Variants in PCLO observed in about 807,000 individuals in gnomAD.
PCLO encodes the protein piccolo presynaptic cytomatrix protein, also known as protein piccolo.
In PCLO, 82 loss-of-function variants were observed where a neutral mutation model predicts 427.5. The observed-to-expected ratio is 0.19, with a 90% CI of 0.16 to 0.23. The LOEUF is 0.23. Ranked by LOEUF, PCLO falls within the 10% of genes least tolerant of loss-of-function variation. PCLO has a pLI of 1.00. For synonymous variants in PCLO, 2,357 were observed against 2,155.4 expected (o/e 1.09, Z -2.59); for missense variants, 6,239 against 6,115.9 (o/e 1.02, Z -0.67).
chr7:83,036,806 C>T (rs1173205652), intron 3 of PCLO, among the ~76,000 whole-genome samples: 2 of 152,088 alleles, frequency 1.3e-5, no homozygotes, highest in African/African-American at 4.8e-5. Context: ...GCTCCTACCG[C>T]CACTACTATT....
At chr7:82,969,717 C>T (rs1795859276) in intron 3 of PCLO, among the ~76,000 whole-genome samples, 1 of 151,952 alleles carries the variant, frequency 6.6e-6, no homozygotes. Context: ...TTGGAAAGTG[C>T]ATATGCAAAG....
At chr7:83,061,164 T>A (rs1562944724) in intron 3 of PCLO, among the ~76,000 whole-genome samples, 1 of 152,196 alleles carries the variant, frequency 6.6e-6, no homozygotes. Flanking sequence ...CTGGGTCTCA[T>A]AAGGTTGAAA....
chr7:83,037,480 T>C (rs1042815770), intron 3 of PCLO, among the ~76,000 whole-genome samples: 1 of 151,950 alleles, frequency 6.6e-6, no homozygotes, highest in Non-Finnish European at 1.5e-5. Context: ...GAGAATCTGT[T>C]TGAAGAACAT....
At chr7:82,826,538 A>G in intron 18 of PCLO, 51 bp downstream of exon 18, 5 of 1,205,188 alleles carry the variant, frequency 4.1e-6, no homozygotes, top group Middle Eastern at 1.9e-4. Flanking sequence ...TCGTGCTTTA[A>G]TTGGTGGTTT....
chr7:83,029,367 T>C (rs372490766), intron 3 of PCLO, among the ~76,000 whole-genome samples: 1 of 150,594 alleles, frequency 6.6e-6, no homozygotes, highest in Non-Finnish European at 1.5e-5. Flanking sequence ...AAAATGCTCA[T>C]CATCACTGGC....
intron 9 of PCLO, among the ~76,000 whole-genome samples, chr7:82,886,980 ATTATT>A (rs1457813344): frequency 2.6e-5 from 4 of 152,096 alleles, no homozygotes; most frequent in African/African-American, 9.7e-5. Flanking sequence ...TTGTGCCAAT[ATTATT>A]TTATGTTTAG....
chr7:82,959,443 G>A (rs1254050629), intron 4 of PCLO, among the ~76,000 whole-genome samples: 2 of 152,096 alleles, frequency 1.3e-5, no homozygotes, highest in Non-Finnish European at 2.9e-5. Context: ...AAAGAAATGT[G>A]ACCATGGTTA....
intron 10 of PCLO, among the ~76,000 whole-genome samples, chr7:82,867,787 A>T (rs1793133353): frequency 6.6e-6 from 1 of 152,158 alleles, no homozygotes; most frequent in African/African-American, 2.4e-5. Context: ...CCTATCACAA[A>T]GATTATAATG....
chr7:82,934,223 T>C (rs1273312631), intron 6 of PCLO, among the ~76,000 whole-genome samples: 1 of 151,842 alleles, frequency 6.6e-6, no homozygotes, highest in Admixed American at 6.6e-5. Context: ...CGCTAATGAT[T>C]ATCATTTCTT....
chr7:82,877,846 T>C (rs894745967), intron 10 of PCLO, among the ~76,000 whole-genome samples: 1 of 151,898 alleles, frequency 6.6e-6, no homozygotes. Flanking sequence ...TTGTATTTTG[T>C]TTTTTAGTAG....
chr7:82,779,746 C>CTT (rs397976054), intron 22 of PCLO, among the ~76,000 whole-genome samples: 56,817 of 134,132 alleles, frequency 0.42, 12,552 homozygotes, highest in East Asian at 0.7. Context: ...TTCTTTCTTT[C>CTT]TTTTTTTTTT....
intron 9 of PCLO, among the ~76,000 whole-genome samples, chr7:82,892,858 T>A (rs1366059816): frequency 6.6e-6 from 1 of 151,808 alleles, no homozygotes; most frequent in African/African-American, 2.4e-5. Flanking sequence ...GAAATGCAAA[T>A]CAAAACCACA....
At position 83,134,519 on chromosome 7, in the gene PCLO, T is replaced by C. The variant is rs1791663327; in HGVS notation, c.3031A>G (p.Lys1011Glu). The change falls in exon 3 of 25, where the codon AAA becomes GAA. Residue 1011 changes from lysine to glutamate, a missense_variant. Physicochemically the swap from Lys to Glu is moderately conservative, Grantham distance 56 (BLOSUM62 1). Around this residue, in one of 5 missense-constraint regions of PCLO, gnomAD observed 4,677 missense variants for 4,468.4 expected, o/e 1.05. Coordinates refer to ENST00000333891, the MANE Select transcript of PCLO (RefSeq NM_033026.6). The stretch of plus-strand genomic sequence containing the variant: ...TTTACTGTTGGAGCTTGTTCAGCTT[T>C]GGGCTCTAATTTTTCAGCTGCTGGG... ...KAPAAEKLEP[K>E]AEQAPTVKRT... 1 of 1,613,950 alleles carries C rather than the reference T, an allele frequency of 6.2e-7. No homozygotes were observed. The highest frequency in any genetic ancestry group is 8.5e-7 in the Non-Finnish European group (1 of 1,179,874).
intron 3 of PCLO, among the ~76,000 whole-genome samples, chr7:83,064,812 T>C (rs1223331336): frequency 6.6e-6 from 1 of 151,990 alleles, no homozygotes; most frequent in Non-Finnish European, 1.5e-5. Context: ...ATTCATGCTC[T>C]CTCCGAGAGA....
intron 10 of PCLO, among the ~76,000 whole-genome samples, chr7:82,879,110 C>T (rs1293569750): frequency 2.0e-5 from 3 of 152,018 alleles, no homozygotes; most frequent in Admixed American, 1.3e-4. Context: ...GTTTCTTAAA[C>T]AAGATACTTC....
At chr7:83,094,836 T>C (rs1790492038) in intron 3 of PCLO, among the ~76,000 whole-genome samples, 1 of 152,182 alleles carries the variant, frequency 6.6e-6, no homozygotes, top group Admixed American at 6.5e-5. Flanking sequence ...GAGAGTATAA[T>C]TCTTTTCCTA....
chr7:82,758,969 G>C (rs1196816468), intron 24 of PCLO, among the ~76,000 whole-genome samples: 1 of 151,850 alleles, frequency 6.6e-6, no homozygotes, highest in African/African-American at 2.4e-5. Context: ...TGAAGAATGT[G>C]AGAATACTAG....
intron 22 of PCLO, among the ~76,000 whole-genome samples, chr7:82,782,094 C>T (rs952035093): frequency 5.3e-5 from 8 of 152,176 alleles, no homozygotes; most frequent in African/African-American, 1.9e-4. Flanking sequence ...CTTTCTAAGG[C>T]CCAGACTTGT....
In PCLO at chr7:83,156,336, G is replaced by A. The variant is rs1430427575; in HGVS notation, c.305C>T (p.Pro102Leu). The stretch of plus-strand genomic sequence containing the variant: ...GAGACCAGGTTGAGCTGGACGCCCA[G>A]GGTCCGGGGGTCTTCCTGATTGCTT... ...PPKQSGRPPDPGRPAQPGLSK... is the reference protein window; with the variant it reads ...PPKQSGRPPDLGRPAQPGLSK... Residue 102 changes from proline to leucine, a missense_variant, in exon 2 of 25, where the codon CCT becomes CTT. Pro to Leu is a moderately conservative substitution (Grantham distance 98, BLOSUM62 -3). Transcript: ENST00000333891. 8 of 1,613,006 alleles carry A rather than the reference G, an allele frequency of 5.0e-6. No homozygotes were observed. Among genetic ancestry groups the A allele is most frequent in the Non-Finnish European group, 6.8e-6 (8 of 1,179,602 alleles).
Sources: gnomAD v4.1 joint callset for allele counts (sites outside exome capture counted in the v4.1 genomes callset) on GRCh38, gnomAD v4.1.1 for gene constraint, gnomAD v4.1.1 regional missense constraint, MANE v1.5 for transcripts, NCBI Gene and HGNC (gene_info 2026-07-23, HGNC 2026-07-21) for gene names.